Variants in NAP1L4 observed in about 807,000 individuals in gnomAD.
NAP1L4 encodes nucleosome assembly protein 1-like 4.
Under a neutral mutation model 58.2 loss-of-function variants are expected in NAP1L4, and 15 were observed. That is an observed-to-expected ratio of 0.26 (90% CI 0.17 to 0.40). The LOEUF is 0.40. Ranked by LOEUF, NAP1L4 falls within the 10% of genes least tolerant of loss-of-function variation. The pLI is 1.00. For synonymous variants in NAP1L4, 171 were observed against 155.6 expected (o/e 1.10, Z -0.74); for missense variants, 384 against 451.1 (o/e 0.85, Z 1.35).
In NAP1L4 at chr11:2,949,396, A is replaced by G. The variant is rs562565578; in HGVS notation, c.1123-132T>C. 2.7e-6 allele frequency: 2 copies of G among 733,174 alleles called. No homozygotes were observed. The highest frequency in any genetic ancestry group is 2.6e-5 in the East Asian group (1 of 38,642). 45.4% of individuals were successfully genotyped at this position (733,174 alleles called of 1,614,324 possible). On this transcript the variant is annotated intron_variant, in intron 14 of 15. Transcript: ENST00000380542. This position sits in a 1 kb window ranked among gnomAD's most constrained non-coding sequence, Gnocchi z 4.0. Reference sequence around the variant, plus strand: ...GCAAGATACTGAACTCGGGGTGAACAACTTCAACACTAGATCATACTTTCA... The same window carrying G: ...GCAAGATACTGAACTCGGGGTGAACGACTTCAACACTAGATCATACTTTCA...
chr11:2,963,161 G>A (rs1342538827), intron 8 of NAP1L4, among the ~76,000 whole-genome samples: 1 of 146,046 alleles, frequency 6.8e-6, no homozygotes, highest in East Asian at 2.0e-4. Context: ...AAAAAGAAAG[G>A]AAAAAAAAAG....
rs576919842 is a variant in NAP1L4 at position 2,946,842 on chromosome 11, G to A, written c.*33-1196C>T. Reference sequence around the variant, plus strand: ...ATCTGACATTCAAGGGTAGACTGAAGGTGGCCCAGTGTAGTGGCCAAGAAC... The same window carrying A: ...ATCTGACATTCAAGGGTAGACTGAAAGTGGCCCAGTGTAGTGGCCAAGAAC... On this transcript the variant is annotated intron_variant, in intron 15 of 15. Transcript: ENST00000380542. This position sits in a 1 kb window ranked among gnomAD's most constrained non-coding sequence, Gnocchi z 4.8. 6.6e-6 allele frequency among the ~76,000 whole-genome samples: 1 copy of A among 152,336 alleles called. No individual in the cohort carries two copies. Among genetic ancestry groups the A allele is most frequent in the African/African-American group, 2.4e-5 (1 of 41,586 alleles).
chr11:2,954,937 T>C lies in NAP1L4; in HGVS notation c.916-291A>G, dbSNP rs1362339570. On this transcript the variant is annotated intron_variant, in intron 11 of 15. Coordinates refer to ENST00000380542, the MANE Select transcript of NAP1L4 (RefSeq NM_005969.4). This position sits in a 1 kb window ranked among gnomAD's most constrained non-coding sequence, Gnocchi z 4.8. Reference sequence around the variant, plus strand: ...GAGTAGGCGGTATCAGTCTCACATATGGGAAACAGGCAGTATTAAAGCACT... The same window carrying C: ...GAGTAGGCGGTATCAGTCTCACATACGGGAAACAGGCAGTATTAAAGCACT... Among the ~76,000 whole-genome samples, 7 of 152,294 alleles carry C rather than the reference T, an allele frequency of 4.6e-5. No homozygotes were observed. The East Asian group carries it at 1.3e-3, about 29-fold the overall frequency.
intron 1 of NAP1L4, among the ~76,000 whole-genome samples, chr11:2,987,660 G>C (rs1848716399): frequency 6.9e-6 from 1 of 144,588 alleles, no homozygotes; most frequent in African/African-American, 2.7e-5. Context: ...GGGAGGCTGA[G>C]ACAGGAGAAT....
At position 2,992,277 on chromosome 11, in the gene NAP1L4, G is replaced by C. The variant is rs1313953041; in HGVS notation, c.-41C>G. ...ACCTCACGCCTCCTGCGGCAGTGGCGGCGACCCTAGCTTCGCTCGCTTTGG... is the reference window on the plus strand; with the variant it reads ...ACCTCACGCCTCCTGCGGCAGTGGCCGCGACCCTAGCTTCGCTCGCTTTGG... On this transcript the variant is annotated 5_prime_UTR_variant, in exon 1 of 16. Coordinates refer to ENST00000380542, the MANE Select transcript of NAP1L4 (RefSeq NM_005969.4). 2 of 152,250 alleles carry C rather than the reference G, an allele frequency of 1.3e-5. No homozygotes were observed. Among genetic ancestry groups the C allele is most frequent in the Non-Finnish European group, 1.5e-5 (1 of 68,024 alleles). The allele number at this position is 152,250 out of a possible 1,614,324, so 9.4% of individuals were successfully genotyped here.
intron 10 of NAP1L4, chr11:2,958,092 A>T (rs1422508520): frequency 1.9e-6 from 1 of 534,038 alleles, no homozygotes; most frequent in Non-Finnish European, 3.6e-6. Flanking sequence ...GCCCAGGTGC[A>T]AATACTCGAT....
chr11:2,946,876 AC>A lies in NAP1L4; in HGVS notation c.*33-1231del, dbSNP rs1219002191. 2.0e-5 allele frequency among the ~76,000 whole-genome samples: 3 copies of A among 152,148 alleles called. No individual in the cohort carries two copies. Among genetic ancestry groups the A allele is most frequent in the Non-Finnish European group, 4.4e-5 (3 of 68,016 alleles). ...GTGTAGTGGCCAAGAACACTGAGCCACTGGCCTTAGGAGTGTGGGGGATGCA... is the reference window on the plus strand; with the variant it reads ...GTGTAGTGGCCAAGAACACTGAGCCATGGCCTTAGGAGTGTGGGGGATGCA... On this transcript the variant is annotated intron_variant, in intron 15 of 15. Transcript: ENST00000380542. This position sits in a 1 kb window ranked among gnomAD's most constrained non-coding sequence, Gnocchi z 4.8.
chr11:2,967,521 G>A (rs1208271820), intron 7 of NAP1L4, among the ~76,000 whole-genome samples: 2 of 151,070 alleles, frequency 1.3e-5, no homozygotes, highest in Admixed American at 1.3e-4. Context: ...TGAGGCAGGA[G>A]AATGGCGTGA....
At chr11:2,980,372 A>G (rs1039198358) in intron 1 of NAP1L4, among the ~76,000 whole-genome samples, 2 of 152,050 alleles carry the variant, frequency 1.3e-5, no homozygotes, top group African/African-American at 4.8e-5. Flanking sequence ...TTTTGTAGAG[A>G]TAGGGTCTGG....
chr11:2,955,728 TAAC>T lies in NAP1L4; in HGVS notation c.915+13_915+15del. 6.2e-7 allele frequency: 1 copy of T among 1,610,120 alleles called. No homozygotes were observed. Among genetic ancestry groups the T allele is most frequent in the Non-Finnish European group, 8.5e-7 (1 of 1,177,318 alleles). On this transcript the variant is annotated intron_variant, in intron 11 of 15. Coordinates refer to ENST00000380542, the MANE Select transcript of NAP1L4 (RefSeq NM_005969.4). The surrounding 1 kb of genome is among the most constrained non-coding windows in gnomAD (Gnocchi z 4.2). Reference sequence around the variant, plus strand: ...GACTTCAACAGGAAAATAAGACTATTAACAACAAATCTTACCAGTGATTCTCCA... The same window carrying T: ...GACTTCAACAGGAAAATAAGACTATTAACAAATCTTACCAGTGATTCTCCA...
At position 2,952,212 on chromosome 11, in the gene NAP1L4, A is replaced by C. The variant is rs1846267249; in HGVS notation, c.1036-403T>G. On this transcript the variant is annotated intron_variant, in intron 12 of 15. Transcript: ENST00000380542. Reference sequence around the variant, plus strand: ...CGAACCAGCAGCATAATGTTATTGGATACAGGAATCTGGGTATCATTTTAC... The same window carrying C: ...CGAACCAGCAGCATAATGTTATTGGCTACAGGAATCTGGGTATCATTTTAC... 3 of 212,254 alleles carry C rather than the reference A, an allele frequency of 1.4e-5. No homozygotes were observed. The South Asian group carries it at 2.8e-4, about 20-fold the overall frequency. The allele number at this position is 212,254 out of a possible 1,614,324, so 13.1% of individuals were successfully genotyped here.
At chr11:2,965,428 G>A (rs926100720) in intron 7 of NAP1L4, among the ~76,000 whole-genome samples, 1 of 152,220 alleles carries the variant, frequency 6.6e-6, no homozygotes, top group African/African-American at 2.4e-5. Flanking sequence ...TAAACACAGA[G>A]AAGGTACAGT....
At chr11:2,947,402 G>C (rs1564970519) in intron 15 of NAP1L4, among the ~76,000 whole-genome samples, 2 of 152,234 alleles carry the variant, frequency 1.3e-5, no homozygotes, top group African/African-American at 4.8e-5. Context: ...CCTTGCTGGA[G>C]GGGAGTAGGC....
intron 7 of NAP1L4, among the ~76,000 whole-genome samples, chr11:2,968,985 G>A (rs1201078243): frequency 4.2e-4 from 46 of 110,544 alleles, no homozygotes; most frequent in African/African-American, 1.3e-3. Context: ...TTGTTGTTGT[G>A]TTGTTTTTTT....
rs561408912 is a variant in NAP1L4, at chr11:2,949,290, A to C, written c.1123-26T>G. On this transcript the variant is annotated intron_variant, in intron 14 of 15. Transcript: ENST00000380542. The surrounding 1 kb of genome is among the most constrained non-coding windows in gnomAD (Gnocchi z 4.0). ...CTAAATGGGGAAAAAAATTGAAAGG[A>C]ACTGTCAGCATGAAAGAAAATGAAA... 3.8e-6 allele frequency: 6 copies of C among 1,569,290 alleles called. No individual in the cohort carries two copies. In the African/African-American group the frequency reaches 6.8e-5, roughly 18 times the overall value.
intron 8 of NAP1L4, chr11:2,963,951 A>G (rs1456424477): frequency 5.8e-6 from 3 of 512,912 alleles, no homozygotes; most frequent in African/African-American, 5.8e-5. Context: ...AGATGAGCAT[A>G]TGGTTCCTCA....
At chr11:2,969,189 C>T (rs554567066) in intron 7 of NAP1L4, among the ~76,000 whole-genome samples, 1 of 152,074 alleles carries the variant, frequency 6.6e-6, no homozygotes, top group African/African-American at 2.4e-5. Flanking sequence ...TGGGATTTCG[C>T]GATGCTGCCC....
rs1846197631 is a variant in NAP1L4, at chr11:2,951,062, T to C, written c.1122+197A>G. ...TTGAGACAGCTGGAAAAGCTTCTAC[T>C]GAGTATGTACACTCAACACTCAAAT... On this transcript the variant is annotated intron_variant, in intron 14 of 15. Transcript: ENST00000380542. The surrounding 1 kb of genome is among the most constrained non-coding windows in gnomAD (Gnocchi z 4.0). 8.9e-6 allele frequency: 5 copies of C among 563,042 alleles called. 1 individual carries two copies. The East Asian group carries it at 1.4e-4, about 16-fold the overall frequency. 34.9% of individuals were successfully genotyped at this position (563,042 alleles called of 1,614,324 possible).
intron 8 of NAP1L4, among the ~76,000 whole-genome samples, chr11:2,960,857 T>C (rs949506255): frequency 1.3e-5 from 2 of 152,214 alleles, no homozygotes; most frequent in African/African-American, 4.8e-5. Flanking sequence ...ATGCGCTTGG[T>C]TGAGTAATTT....
Sources: gnomAD v4.1 joint callset for allele counts (sites outside exome capture counted in the v4.1 genomes callset) on GRCh38, gnomAD v4.1.1 for gene constraint, Gnocchi (gnomAD v3.1) non-coding constraint, MANE v1.5 for transcripts, NCBI Gene and HGNC (gene_info 2026-07-23, HGNC 2026-07-21) for gene names.